UBE2D3: variants seen among roughly 807,000 people sequenced by gnomAD.
The protein encoded by UBE2D3 is ubiquitin-conjugating enzyme E2 D3.
UBE2D3 carries 2 observed loss-of-function variants against 22.8 expected under a neutral mutation model. The observed-to-expected ratio is 0.09, with a 90% CI of 0.04 to 0.28. The LOEUF is 0.28. UBE2D3 is among the 10% of genes least tolerant of loss of function. The pLI is 1.00. For missense variants in UBE2D3, 27 were observed against 182.5 expected (o/e 0.15, Z 4.91); for synonymous variants, 56 against 60.4 (o/e 0.93, Z 0.34).
chr4:102,827,270 C>G, intron 1 of UBE2D3, 157 bp downstream of exon 1: 1 of 952,922 alleles, frequency 1.0e-6, no homozygotes, highest in Non-Finnish European at 1.2e-6. Flanking sequence ...CCTCCTCCAG[C>G]AGGAGAGGCC....
intron 1 of UBE2D3, among the ~76,000 whole-genome samples, chr4:102,864,652 A>G (rs916155322): frequency 6.6e-6 from 1 of 152,238 alleles, no homozygotes. Flanking sequence ...AATTTTCAGT[A>G]AAAAGTTAAG....
chr4:102,846,371 T>A (rs777318833), intron 1 of UBE2D3, among the ~76,000 whole-genome samples: 3 of 152,258 alleles, frequency 2.0e-5, no homozygotes, highest in Admixed American at 6.5e-5. Context: ...ATTTATAGGC[T>A]ATTACTGAAT....
At chr4:102,857,563 GTTGT>G in intron 1 of UBE2D3, among the ~76,000 whole-genome samples, 1 of 152,172 alleles carries the variant, frequency 6.6e-6, no homozygotes, top group East Asian at 1.9e-4. Flanking sequence ...TGTTGAATAT[GTTGT>G]TTCTTTTTAA....
chr4:102,809,910 C>CG (rs1727677892), intron 2 of UBE2D3, 55 bp from the exon 3 acceptor site: 1 of 1,564,980 alleles, frequency 6.4e-7, no homozygotes, highest in Non-Finnish European at 8.8e-7. Flanking sequence ...AGAAAACAAG[C>CG]AAATGAGTCC....
chr4:102,818,208 C>T lies in UBE2D3; in HGVS notation c.24+8277G>A, dbSNP rs540131708. Among the ~76,000 whole-genome samples the T allele has an allele frequency of 1.8e-3, 278 of 152,312 alleles. 11 individuals are homozygous for T. In the South Asian group the frequency reaches 0.053, roughly 29 times the overall value. On this transcript the variant is annotated intron_variant, in intron 2 of 7. Transcript: ENST00000453744. ...ACTCACGTTGAAGGGACACTAAGAT[C>T]AAGCACATACAATCAGGGTACAACA...
rs1725361869 is a variant in UBE2D3, at chr4:102,797,276, TGGAG to T, written c.*135_*138del. 7.7e-6 allele frequency: 5 copies of T among 645,508 alleles called. No individual in the cohort carries two copies. Among genetic ancestry groups the T allele is most frequent in the Non-Finnish European group, 1.3e-5 (5 of 381,920 alleles). The allele number at this position is 645,508 out of a possible 1,614,324, so 40.0% of individuals were successfully genotyped here. On this transcript the variant is annotated 3_prime_UTR_variant, in exon 8 of 8. Transcript: ENST00000453744. ...CTTCTCAGATGAGCATGTGAATGAA[TGGAG>T]GGAGGTAAACAAAAAATAAAATTAA...
chr4:102,862,518 T>TA (rs1384088814), intron 1 of UBE2D3, among the ~76,000 whole-genome samples: 3 of 152,224 alleles, frequency 2.0e-5, no homozygotes, highest in African/African-American at 7.2e-5. Context: ...GGGTTTCTTA[T>TA]ACCTTGATCA....
chr4:102,813,070 A>C (rs981070179), intron 2 of UBE2D3: 15 of 152,228 alleles, frequency 9.9e-5, no homozygotes, highest in Non-Finnish European at 2.1e-4. Flanking sequence ...ACCTTTAAAA[A>C]TGTTAAGATG....
chr4:102,867,928 G>C (rs753772452), intron 1 of UBE2D3, among the ~76,000 whole-genome samples: 25 of 152,064 alleles, frequency 1.6e-4, no homozygotes, highest in Non-Finnish European at 3.5e-4. Flanking sequence ...TAGCTCATTA[G>C]CTACCATTAG....
chr4:102,847,813 A>G (rs1287960976), intron 1 of UBE2D3, among the ~76,000 whole-genome samples: 1 of 151,254 alleles, frequency 6.6e-6, no homozygotes, highest in African/African-American at 2.4e-5. Context: ...GCAGCTAATT[A>G]AAAAAAAATT....
chr4:102,811,142 G>GT (rs1372420598), intron 2 of UBE2D3: 4 of 152,246 alleles, frequency 2.6e-5, no homozygotes, highest in African/African-American at 9.7e-5. Flanking sequence ...GAGCCCAGGA[G>GT]TTTGACTGAG....
intron 2 of UBE2D3, among the ~76,000 whole-genome samples, chr4:102,820,292 G>A (rs960857976): frequency 3.9e-5 from 6 of 152,124 alleles, no homozygotes. Flanking sequence ...TATCAAGGCA[G>A]GGAACAACAA....
In UBE2D3 at chr4:102,797,439, T is replaced by C; in HGVS notation, c.420A>G (p.Glu140=). 6.2e-7 allele frequency: 1 copy of C among 1,608,490 alleles called. No individual in the cohort carries two copies. The highest frequency in any genetic ancestry group is 2.2e-5 in the East Asian group (1 of 44,784). ...ATCACATGGCATACTTCTGAGTCCA[T>C]TCCCGAGATATTCTGTTGTACCTGT... ...DRDKYNRISR[E]WTQKYAM The change falls in exon 8 of 8, where the codon GAA becomes GAG. Residue 140 remains glutamate (E), a synonymous_variant. Transcript: ENST00000453744.
intron 1 of UBE2D3, among the ~76,000 whole-genome samples, chr4:102,868,113 C>G (rs998337968): frequency 1.6e-5 from 2 of 127,902 alleles, no homozygotes; most frequent in Admixed American, 9.5e-5. Flanking sequence ...TGCTCTGTCT[C>G]CCAGGCTAGA....
chr4:102,826,932 G>A (rs978795776), intron 1 of UBE2D3: 3 of 1,010,496 alleles, frequency 3.0e-6, no homozygotes, highest in Non-Finnish European at 2.4e-6. Flanking sequence ...AGCAGAGGAG[G>A]AGCCGGGGCC....
intron 2 of UBE2D3, among the ~76,000 whole-genome samples, chr4:102,816,060 G>C (rs956558022): frequency 8.5e-5 from 13 of 152,200 alleles, no homozygotes; most frequent in Non-Finnish European, 1.8e-4. Flanking sequence ...GGAAAAAAAA[G>C]TGAGAAAAGA....
chr4:102,827,089 G>A (rs1730655494), intron 1 of UBE2D3: 2 of 989,066 alleles, frequency 2.0e-6, no homozygotes, highest in East Asian at 1.1e-4. Flanking sequence ...AGGGAGACTT[G>A]ATGTGTATTG....
intron 2 of UBE2D3, among the ~76,000 whole-genome samples, chr4:102,813,275 C>T (rs1347696035): frequency 6.6e-6 from 1 of 152,212 alleles, no homozygotes. Context: ...TAGCCCAGAA[C>T]TCCTGGGCTC....
chr4:102,848,410 C>T (rs187398640), intron 1 of UBE2D3, among the ~76,000 whole-genome samples: 21 of 151,968 alleles, frequency 1.4e-4, no homozygotes, highest in South Asian at 4.2e-4. Flanking sequence ...TTTGGGAGGC[C>T]GAGGTGGGTG....
Sources: gnomAD v4.1 joint callset for allele counts (sites outside exome capture counted in the v4.1 genomes callset) on GRCh38, gnomAD v4.1.1 for gene constraint, MANE v1.5 for transcripts, NCBI Gene and HGNC (gene_info 2026-07-23, HGNC 2026-07-21) for gene names.